PNKP: variants seen among roughly 807,000 people sequenced by gnomAD.
The protein encoded by PNKP is bifunctional polynucleotide phosphatase/kinase.
PNKP carries 82 observed loss-of-function variants against 66.2 expected under a neutral mutation model. The ratio of observed to expected loss-of-function variants is 1.24; its 90% CI spans 1.04 to 1.49. PNKP has a LOEUF of 1.49. PNKP is among the 40% of genes most tolerant of loss of function. The pLI is 0.00. For synonymous variants in PNKP, 412 were observed against 298.9 expected (o/e 1.38, Z -3.90); for missense variants, 907 against 706.8 (o/e 1.28, Z -3.21).
chr19:49,863,701 A>C lies in PNKP; in HGVS notation c.804T>G (p.His268Gln). Reference protein sequence around the residue: ...YRKPVTGMWDHLQEQANDGTP... With the variant: ...YRKPVTGMWDQLQEQANDGTP... Reference sequence around the variant, plus strand: ...CTGCAAGACTCACCTGCTCCTGCAGATGGTCCCACATGCCCGTCACCGGCT... The same window carrying C: ...CTGCAAGACTCACCTGCTCCTGCAGCTGGTCCCACATGCCCGTCACCGGCT... Residue 268 changes from histidine (H) to glutamine (Q), a missense_variant, in exon 8 of 17, where the codon CAT becomes CAG. Physicochemically the swap from His to Gln is conservative, Grantham distance 24. Coordinates refer to ENST00000322344, the MANE Select transcript of PNKP (RefSeq NM_007254.4). The C allele has an allele frequency of 6.4e-7, 1 of 1,555,282 alleles. No individual in the cohort carries two copies. The highest frequency in any genetic ancestry group is 1.2e-5 in the South Asian group (1 of 84,452).
rs750994991 is a variant in PNKP at position 49,867,234 on chromosome 19, C to T, written c.-13-17G>A. The T allele has an allele frequency of 3.8e-6, 6 of 1,591,016 alleles. No individual in the cohort carries two copies. In the South Asian group the frequency reaches 4.5e-5, roughly 12 times the overall value. On this transcript the variant is annotated splice_polypyrimidine_tract_variant and intron_variant, in intron 1 of 16. Coordinates refer to ENST00000322344, the MANE Select transcript of PNKP (RefSeq NM_007254.4). Reference sequence around the variant, plus strand: ...GGTGCCGGCCTGGGGAGCAGGTAAACGGGCTTGAGCGGCGCACAGCCCCAA... The same window carrying T: ...GGTGCCGGCCTGGGGAGCAGGTAAATGGGCTTGAGCGGCGCACAGCCCCAA...
At chr19:49,866,238 G>A in intron 3 of PNKP, 161 bp downstream of exon 3, 5 of 742,788 alleles carry the variant, frequency 6.7e-6, no homozygotes, top group Admixed American at 3.5e-5. Context: ...GGGTTCAAGC[G>A]ATCCGCCCGC....
At position 49,861,865 on chromosome 19, in the gene PNKP, C is replaced by T; in HGVS notation, c.1205G>A (p.Trp402Ter). The T allele has an allele frequency of 6.3e-7, 1 of 1,591,766 alleles. No homozygotes were observed. The highest frequency in any genetic ancestry group is 8.5e-7 in the Non-Finnish European group (1 of 1,172,012). Residue 402 changes from tryptophan to a stop codon, truncating the protein, a stop_gained, in exon 14 of 17, where the codon TGG (tryptophan) becomes TAG (stop). Transcript: ENST00000322344. LOFTEE classifies it high-confidence loss of function. ...VHVNRDTLGS[W>*]QRCVTTCETA... ...CTCACACGTGGTCACACAGCGCTGC[C>T]AGGAGCCTAGCGTGTCCTGGGGACA...
In PNKP at chr19:49,862,287, A is replaced by AGGGGCGGGGGACAC; in HGVS notation, c.1030-20_1030-7dup. 1 of 1,582,156 alleles carries AGGGGCGGGGGACAC rather than the reference A, an allele frequency of 6.3e-7. No homozygotes were observed. Among genetic ancestry groups the AGGGGCGGGGGACAC allele is most frequent in the Non-Finnish European group, 8.6e-7 (1 of 1,164,268 alleles). On this transcript the variant is annotated splice_polypyrimidine_tract_variant and splice_region_variant and intron_variant, in intron 11 of 16. Coordinates refer to ENST00000322344, the MANE Select transcript of PNKP (RefSeq NM_007254.4). Reference sequence around the variant, plus strand: ...CCTGAGCGGGAGACAGTCCTCTGCGAGGGGCGGGGGACACGCGTGAGATGC... The same window carrying AGGGGCGGGGGACAC: ...CCTGAGCGGGAGACAGTCCTCTGCGAGGGGCGGGGGACACGGGGCGGGGGACACGCGTGAGATGC...
intron 2 of PNKP, 149 bp from the exon 3 acceptor site, chr19:49,866,594 G>A (rs2074822668): frequency 4.0e-6 from 3 of 758,878 alleles, no homozygotes; most frequent in Admixed American, 1.9e-5. Context: ...ACATGCAGTA[G>A]CCAGATAGTG....
At position 49,861,752 on chromosome 19, in the gene PNKP, C is replaced by CG. The variant is rs1298736755; in HGVS notation, c.1298+19dup. 5 of 1,559,046 alleles carry CG rather than the reference C, an allele frequency of 3.2e-6. No individual in the cohort carries two copies. Among genetic ancestry groups the CG allele is most frequent in the Middle Eastern group, 1.7e-4 (1 of 5,942 alleles). On this transcript the variant is annotated intron_variant, in intron 14 of 16. Coordinates refer to ENST00000322344, the MANE Select transcript of PNKP (RefSeq NM_007254.4). ...CGCCCACCCCGCCGCAGGCCACCTA[C>CG]GGCCCCGCGGTCACGCTACCTGGCG...
rs1010036717 is a variant in PNKP at position 49,861,877 on chromosome 19, G to A, written c.1193C>T (p.Thr398Met). 6.9e-6 allele frequency: 11 copies of A among 1,589,208 alleles called. No individual in the cohort carries two copies. The highest frequency in any genetic ancestry group is 9.4e-6 in the Non-Finnish European group (11 of 1,170,646). Residue 398 changes from threonine (T) to methionine (M), a missense_variant, in exon 14 of 17, where the codon ACG becomes ATG. By Grantham distance (81) the Thr-to-Met change is moderately conservative (BLOSUM62 -1). Transcript: ENST00000322344. Reference sequence around the variant, plus strand: ...CACACAGCGCTGCCAGGAGCCTAGCGTGTCCTGGGGACACGAGAGGTCACA... The same window carrying A: ...CACACAGCGCTGCCAGGAGCCTAGCATGTCCTGGGGACACGAGAGGTCACA... ...SAGYVHVNRD[T>M]LGSWQRCVTT...
At chr19:49,863,017 CGG>C (rs2074790694) in intron 8 of PNKP, among the ~76,000 whole-genome samples, 3 of 152,250 alleles carry the variant, frequency 2.0e-5, no homozygotes, top group Middle Eastern at 3.4e-3. Flanking sequence ...CTCCAGCCTC[CGG>C]CGTGCCGGCG....
Position 49,862,573 on chromosome 19 carries a change from G to A in PNKP, c.901C>T (p.Arg301Trp), listed in dbSNP as rs201503405. The change falls in exon 10 of 17, where the codon CGG becomes TGG. Residue 301 changes from arginine (R) to tryptophan (W), a missense_variant. By Grantham distance (101) the Arg-to-Trp change is moderately radical. Transcript: ENST00000322344. Reference protein sequence around the residue: ...AGRPANWAPGRKKKDFSCADR... With the variant: ...AGRPANWAPGWKKKDFSCADR... ...GCGCAGGAGAAGTCTTTCTTCTTCC[G>A]CCCCGGGGCCCAGTTGGCCGGGCGT... is the stretch of plus-strand genomic sequence containing the variant. 696 of 1,612,912 alleles carry A rather than the reference G, an allele frequency of 4.3e-4. 1 individual carries two copies. Among genetic ancestry groups the A allele is most frequent in the Non-Finnish European group, 2.5e-4 (299 of 1,179,488 alleles).
intron 16 of PNKP, 38 bp from the exon 17 acceptor site, chr19:49,861,403 A>G: frequency 1.9e-6 from 3 of 1,613,938 alleles, no homozygotes; most frequent in Non-Finnish European, 2.5e-6. Flanking sequence ...AGCCTGGATC[A>G]TGTGGCCCAG....
At position 49,864,167 on chromosome 19, in the gene PNKP, G is replaced by A. The variant is rs768950578; in HGVS notation, c.636+12C>T. 3.7e-5 allele frequency: 60 copies of A among 1,613,788 alleles called. No homozygotes were observed. The highest frequency in any genetic ancestry group is 6.7e-5 in the East Asian group (3 of 44,896). ...CGTGCACGTGCCCATGCAGACAGGC[G>A]GCTGCACATACCTTGTAGCCCTCGG... is the stretch of plus-strand genomic sequence containing the variant. On this transcript the variant is annotated intron_variant, in intron 6 of 16. Coordinates refer to ENST00000322344, the MANE Select transcript of PNKP (RefSeq NM_007254.4).
Position 49,862,622 on chromosome 19 carries a change from G to C in PNKP, c.866-14C>G. 1 of 1,613,944 alleles carries C rather than the reference G, an allele frequency of 6.2e-7. No individual in the cohort carries two copies. ...GTCCGGCTGCGTCTGGAACACACGGGACACCCCGTTCCCACCAGCTCGGAG... is the reference window on the plus strand; with the variant it reads ...GTCCGGCTGCGTCTGGAACACACGGCACACCCCGTTCCCACCAGCTCGGAG... On this transcript the variant is annotated splice_polypyrimidine_tract_variant and intron_variant, in intron 9 of 16. Transcript: ENST00000322344.
In PNKP at chr19:49,865,848, G is replaced by C. The variant is rs1166601134; in HGVS notation, c.199-422C>G. The stretch of plus-strand genomic sequence containing the variant: ...AGGCTGGTCACAAACTCCTGATCTC[G>C]GGTGATCCGCCCGCCTAGCCTCCCA... On this transcript the variant is annotated intron_variant, in intron 3 of 16. Transcript: ENST00000322344. 6 of 236,096 alleles carry C rather than the reference G, an allele frequency of 2.5e-5. 1 individual carries two copies. Among genetic ancestry groups the C allele is most frequent in the East Asian group, 2.3e-4 (2 of 8,790 alleles). 14.6% of individuals were successfully genotyped at this position (236,096 alleles called of 1,614,324 possible). A position where few individuals can be genotyped will look rare whatever the true frequency, so the allele number is the denominator to read the frequency against.
chr19:49,862,013 T>TA (rs1365071288), intron 13 of PNKP, 31 bp downstream of exon 13: 1 of 1,612,322 alleles, frequency 6.2e-7, no homozygotes, highest in African/African-American at 1.3e-5. Flanking sequence ...AACTTTATAA[T>TA]AGATTTGGGG....
chr19:49,861,213 A>G lies in PNKP; in HGVS notation c.*35T>C. 1 of 1,420,694 alleles carries G rather than the reference A, an allele frequency of 7.0e-7. No individual in the cohort carries two copies. The allele number at this position is 1,420,694 out of a possible 1,614,324, so 88.0% of individuals were successfully genotyped here. A position where few individuals can be genotyped will look rare whatever the true frequency, so the allele number is the denominator to read the frequency against. On this transcript the variant is annotated 3_prime_UTR_variant, in exon 17 of 17. Transcript: ENST00000322344. ...AAAATGCCGGCCAAGCTCAAGGAGA[A>G]ACAGCGTTTATTGTGGAGGGGAGCT...
chr19:49,864,621 C>A (rs770236165), intron 4 of PNKP, among the ~76,000 whole-genome samples: 2 of 152,172 alleles, frequency 1.3e-5, no homozygotes, highest in Admixed American at 1.3e-4. Flanking sequence ...CTCCTTATGA[C>A]GCCAGCCCCA....
intron 12 of PNKP, 21 bp downstream of exon 12, chr19:49,862,164 G>A (rs780501942): frequency 2.5e-6 from 4 of 1,612,970 alleles, no homozygotes; most frequent in Non-Finnish European, 3.4e-6. Flanking sequence ...CAGGGCACGC[G>A]CACAGGAACA....
chr19:49,861,589 C>G lies in PNKP; in HGVS notation c.1386+19G>C, dbSNP rs1057523595. The G allele has an allele frequency of 6.4e-7, 1 of 1,559,922 alleles. No homozygotes were observed. On this transcript the variant is annotated intron_variant, in intron 15 of 16. Transcript: ENST00000322344. ...TCAGGGGGTGCAGCCCGGGGGGTGT[C>G]CGGGCTGAGCGGGCTCACCCGGTTG...
chr19:49,865,526 T>A (rs749029762), intron 3 of PNKP, 100 bp from the exon 4 acceptor site: 5 of 784,494 alleles, frequency 6.4e-6, no homozygotes, highest in African/African-American at 1.7e-5. Context: ...TCCACCACTA[T>A]CAGACCCTTA....
Sources: allele counts gnomAD v4.1 joint callset (sites outside exome capture counted in the v4.1 genomes callset), GRCh38; gene constraint gnomAD v4.1.1; transcripts MANE v1.5; gene names NCBI Gene and HGNC (gene_info 2026-07-23, HGNC 2026-07-21).